Variants in CFAP251 observed in about 807,000 individuals in gnomAD.
CFAP251 encodes the protein cilia- and flagella-associated protein 251.
In CFAP251, 93 loss-of-function variants were observed where a neutral mutation model predicts 126.7. The observed-to-expected ratio is 0.73, with a 90% CI of 0.62 to 0.87. The LOEUF (loss-of-function observed/expected upper bound fraction) is 0.87, where lower values mean the gene tolerates loss of function less well. CFAP251 is among the 40% of genes least tolerant of loss of function. CFAP251 has a pLI of 0.00. For synonymous variants in CFAP251, 503 were observed against 506.9 expected, an observed-to-expected ratio of 0.99 and a Z score of 0.10; for missense variants, 1,287 against 1,389.2, an observed-to-expected ratio of 0.93 and a Z score of 1.17.
At chr12:121,972,569 A>G (rs1287225865) in intron 17 of CFAP251, among the ~76,000 whole-genome samples, 1 of 151,342 alleles carries the variant, frequency 6.6e-6, no homozygotes, top group Admixed American at 6.6e-5. Context: ...GCTCACTGCA[A>G]CCTCCACCTC....
rs1882414551 is a variant in CFAP251, at chr12:121,974,735, C to T, written c.2772-509C>T. Reference sequence around the variant, plus strand: ...AGGGCCTATTTTTGGAAAGTCTGACCTTGAGTTAGAGAGCAGAGGGTTATT... The same window carrying T: ...AGGGCCTATTTTTGGAAAGTCTGACTTTGAGTTAGAGAGCAGAGGGTTATT... On this transcript the variant is annotated intron_variant, in intron 17 of 21. Transcript: ENST00000288912. This position sits in a 1 kb window ranked among gnomAD's most constrained non-coding sequence, Gnocchi z 4.6. 6.6e-6 allele frequency among the ~76,000 whole-genome samples: 1 copy of T among 152,144 alleles called. No homozygotes were observed. Among genetic ancestry groups the T allele is most frequent in the African/African-American group, 2.4e-5 (1 of 41,420 alleles).
At position 121,967,041 on chromosome 12, in the gene CFAP251, G is replaced by T; in HGVS notation, c.2579G>T (p.Arg860Leu). 6.2e-7 allele frequency: 1 copy of T among 1,614,166 alleles called. No homozygotes were observed. Among genetic ancestry groups the T allele is most frequent in the Non-Finnish European group, 8.5e-7 (1 of 1,179,996 alleles). Residue 860 changes from arginine (R) to leucine (L), a missense_variant, in exon 16 of 22, where the codon CGC (arginine) becomes CTC (leucine). Transcript: ENST00000288912. ...AGAAGCATGGCGGAGCTACAGAAAC[G>T]CTACTTGGTGTTTATTAACAGAGAC... ...PVRSMAELQK[R>L]YLVFINRDKV...
intron 19 of CFAP251, among the ~76,000 whole-genome samples, chr12:121,995,853 A>C (rs1174107693): frequency 2.0e-5 from 3 of 152,206 alleles, no homozygotes; most frequent in African/African-American, 7.2e-5. Context: ...TACAGCGTTA[A>C]AGGAAAAAAG....
At chr12:121,940,321 G>A (rs1051293578) in intron 5 of CFAP251, among the ~76,000 whole-genome samples, 1 of 152,022 alleles carries the variant, frequency 6.6e-6, no homozygotes, top group African/African-American at 2.4e-5. Context: ...TCTCACTAAG[G>A]ACTTCACTGT....
At chr12:121,973,276 G>T (rs1882381434) in intron 17 of CFAP251, among the ~76,000 whole-genome samples, 1 of 152,240 alleles carries the variant, frequency 6.6e-6, no homozygotes, top group East Asian at 1.9e-4. Flanking sequence ...CAGAAGTCAA[G>T]AATTGGGGTT....
At chr12:121,996,854 A>G (rs890571149) in intron 19 of CFAP251, 1 of 152,096 alleles carries the variant, frequency 6.6e-6, no homozygotes, top group East Asian at 1.9e-4. Context: ...AGCTGTGCAC[A>G]CTCTAAAGTG....
intron 17 of CFAP251, among the ~76,000 whole-genome samples, chr12:121,971,204 G>T (rs1045250222): frequency 4.6e-5 from 7 of 152,202 alleles, no homozygotes; most frequent in African/African-American, 1.7e-4. Flanking sequence ...GCCTGGCCTG[G>T]AGGCCACAGA....
intron 5 of CFAP251, among the ~76,000 whole-genome samples, chr12:121,937,274 T>G (rs1034269107): frequency 1.3e-5 from 2 of 152,052 alleles, no homozygotes; most frequent in Non-Finnish European, 2.9e-5. Flanking sequence ...GACGCATCCC[T>G]CCAATCTCTG....
At chr12:121,992,646 C>T (rs1882901992) in intron 19 of CFAP251, 3 of 389,892 alleles carry the variant, frequency 7.7e-6, no homozygotes, top group Admixed American at 1.3e-4. Flanking sequence ...GGCACAATCA[C>T]GGCTCAGTGC....
chr12:121,993,763 C>T (rs1269368983), intron 19 of CFAP251, among the ~76,000 whole-genome samples: 3 of 150,892 alleles, frequency 2.0e-5, no homozygotes, highest in African/African-American at 7.3e-5. Context: ...AGGAGCCCCT[C>T]TGCCCGGCCA....
rs75771838 is a variant in CFAP251 at position 121,954,882 on chromosome 12, C to T, written c.1535+548C>T. ...TTATGTTTAAAAAATCCCTTTGTGT[C>T]GATGAAACAAAAAGGAACTAGATTT... On this transcript the variant is annotated intron_variant, in intron 10 of 21. Transcript: ENST00000288912. Among the ~76,000 whole-genome samples the T allele has an allele frequency of 2.0e-4, 30 of 151,964 alleles. No homozygotes were observed. In the East Asian group the frequency reaches 4.8e-3, roughly 25 times the overall value.
At chr12:121,943,762 T>G (rs1390469613) in intron 7 of CFAP251, among the ~76,000 whole-genome samples, 1 of 152,200 alleles carries the variant, frequency 6.6e-6, no homozygotes, top group Admixed American at 6.5e-5. Flanking sequence ...TTCCTGATCT[T>G]GTTTTACTTG....
intron 2 of CFAP251, among the ~76,000 whole-genome samples, 189 bp downstream of exon 2, chr12:121,921,872 C>G (rs7138556): frequency 0.049 from 7,446 of 151,110 alleles, 208 homozygotes; most frequent in Middle Eastern, 0.055. Context: ...GCTGCAACCT[C>G]CGCCTCCTGG....
intron 7 of CFAP251, chr12:121,948,352 A>G (rs1232759302): frequency 6.6e-6 from 1 of 152,262 alleles, no homozygotes; most frequent in African/African-American, 2.4e-5. Flanking sequence ...TTATTGGTGA[A>G]TACTGGTTTA....
intron 21 of CFAP251, 62 bp from the exon 22 acceptor site, chr12:122,003,590 C>CA: frequency 1.4e-6 from 2 of 1,419,466 alleles, no homozygotes; most frequent in East Asian, 2.4e-5. Context: ...TCCCCTCACC[C>CA]AAAAAAGAAA....
chr12:121,947,078 C>T (rs556644319), intron 7 of CFAP251, among the ~76,000 whole-genome samples: 2 of 152,308 alleles, frequency 1.3e-5, no homozygotes, highest in African/African-American at 2.4e-5. Context: ...ATTACATATA[C>T]GTTAGACCTT....
At chr12:121,994,137 C>T (rs1206284522) in intron 19 of CFAP251, among the ~76,000 whole-genome samples, 1 of 105,190 alleles carries the variant, frequency 9.5e-6, no homozygotes, top group African/African-American at 3.9e-5. Context: ...CCAGCCGCCC[C>T]GTCCGGGAGG....
At position 121,999,888 on chromosome 12, in the gene CFAP251, C is replaced by G; in HGVS notation, c.3179C>G (p.Ser1060Cys). The change falls in exon 20 of 22, where the codon TCC becomes TGC. Residue 1060 changes from serine (S) to cysteine (C), a missense_variant. Physicochemically the swap from Ser to Cys is moderately radical, Grantham distance 112. Coordinates refer to ENST00000288912, the MANE Select transcript of CFAP251 (RefSeq NM_144668.6). The stretch of plus-strand genomic sequence containing the variant: ...TTTGAGGTGCTCGGTTATACCAACT[C>G]CAAAGGGAAAAAGGCCATTCGAAGA... ...KSFEVLGYTN[S>C]KGKKAIRRED... is the part of the protein sequence containing the mutation. 1 of 1,614,112 alleles carries G rather than the reference C, an allele frequency of 6.2e-7. No homozygotes were observed. Among genetic ancestry groups the G allele is most frequent in the Non-Finnish European group, 8.5e-7 (1 of 1,179,974 alleles).
At chr12:121,935,597 C>T (rs1213583375) in intron 5 of CFAP251, among the ~76,000 whole-genome samples, 3 of 152,184 alleles carry the variant, frequency 2.0e-5, no homozygotes, top group African/African-American at 7.2e-5. Context: ...GTAGGGTCTC[C>T]ATCTATTGCA....
Sources: gnomAD v4.1 joint callset for allele counts (sites outside exome capture counted in the v4.1 genomes callset) on GRCh38, gnomAD v4.1.1 for gene constraint, Gnocchi (gnomAD v3.1) non-coding constraint, MANE v1.5 for transcripts, NCBI Gene and HGNC (gene_info 2026-07-23, HGNC 2026-07-21) for gene names.